ZNF831: variants seen among roughly 807,000 people sequenced by gnomAD.
The protein encoded by ZNF831 is zinc finger protein 831, also known as chromosome 20 open reading frame 174.
A neutral mutation model predicts 95.8 loss-of-function variants in ZNF831; 59 were observed. The observed-to-expected ratio is 0.62, with a 90% CI of 0.50 to 0.77. The LOEUF is 0.77. Ranked by LOEUF, ZNF831 falls within the 30% of genes least tolerant of loss-of-function variation. ZNF831 has a pLI of 0.00. For missense variants in ZNF831, 2,205 were observed against 2,164.0 expected, an observed-to-expected ratio of 1.02 and a Z score of -0.38; for synonymous variants, 961 against 925.5, an observed-to-expected ratio of 1.04 and a Z score of -0.70.
chr20:59,237,968 A>AT (rs964876649), intron 4 of ZNF831, among the ~76,000 whole-genome samples: 197 of 151,632 alleles, frequency 1.3e-3, no homozygotes, highest in African/African-American at 4.5e-3. Flanking sequence ...AGAATACGTA[A>AT]TTTTTTTTTA....
intron 1 of ZNF831, among the ~76,000 whole-genome samples, chr20:59,124,749 C>T (rs927047166): frequency 2.6e-5 from 4 of 152,198 alleles, no homozygotes; most frequent in African/African-American, 9.7e-5. Flanking sequence ...GGGGCTGGCC[C>T]CTTCGAGAGG....
At chr20:59,150,280 A>G (rs905883338) in intron 2 of ZNF831, among the ~76,000 whole-genome samples, 1 of 152,194 alleles carries the variant, frequency 6.6e-6, no homozygotes, top group Non-Finnish European at 1.5e-5. Context: ...TTTAGGAAAC[A>G]GAGACCGTGT....
chr20:59,131,194 C>T (rs2146436096), intron 1 of ZNF831, among the ~76,000 whole-genome samples: 1 of 152,324 alleles, frequency 6.6e-6, no homozygotes, highest in Non-Finnish European at 1.5e-5. Flanking sequence ...GGCGTCCTCT[C>T]TGCCCCTTCC....
intron 1 of ZNF831, among the ~76,000 whole-genome samples, chr20:59,141,309 T>A (rs1249053050): frequency 6.6e-6 from 1 of 152,248 alleles, no homozygotes; most frequent in Non-Finnish European, 1.5e-5. Context: ...TCAAAGTTTT[T>A]CTCCAATTTT....
intron 3 of ZNF831, among the ~76,000 whole-genome samples, chr20:59,197,123 G>A (rs1200082261): frequency 2.0e-5 from 3 of 152,124 alleles, no homozygotes; most frequent in East Asian, 1.9e-4. Context: ...TTCAAGGGGC[G>A]ATCCAAATTC....
intron 2 of ZNF831, among the ~76,000 whole-genome samples, chr20:59,152,274 A>G (rs1980289735): frequency 6.6e-6 from 1 of 152,142 alleles, no homozygotes; most frequent in Admixed American, 6.5e-5. Context: ...AAATTCACCT[A>G]AAAGTGTCAC....
At chr20:59,136,584 C>G (rs752395153) in intron 1 of ZNF831, among the ~76,000 whole-genome samples, 1 of 152,154 alleles carries the variant, frequency 6.6e-6, no homozygotes, top group Non-Finnish European at 1.5e-5. Flanking sequence ...TGATCCTTTG[C>G]GGTAGATACT....
chr20:59,155,435 G>A (rs1980484636), intron 2 of ZNF831, among the ~76,000 whole-genome samples: 2 of 152,218 alleles, frequency 1.3e-5, no homozygotes, highest in Admixed American at 1.3e-4. Flanking sequence ...CTGGGATTTG[G>A]TGTTTTGGGT....
intron 2 of ZNF831, among the ~76,000 whole-genome samples, chr20:59,155,680 G>A (rs1031734535): frequency 6.6e-6 from 1 of 152,216 alleles, no homozygotes; most frequent in African/African-American, 2.4e-5. Flanking sequence ...AGTGTAGGAA[G>A]GAGAGAAGGG....
intron 4 of ZNF831, among the ~76,000 whole-genome samples, chr20:59,236,877 GT>G (rs1159026629): frequency 6.6e-6 from 1 of 151,830 alleles, no homozygotes; most frequent in Non-Finnish European, 1.5e-5. Context: ...TTTTCCCCCC[GT>G]TTTTTTCTTC....
At chr20:59,196,189 G>A (rs773674825) in intron 3 of ZNF831, among the ~76,000 whole-genome samples, 184 bp downstream of exon 3, 1 of 152,134 alleles carries the variant, frequency 6.6e-6, no homozygotes, top group African/African-American at 2.4e-5. Flanking sequence ...TTTTTTGATG[G>A]CACCTTTCTA....
chr20:59,180,513 C>G (rs1250843467), intron 1 of ZNF831, among the ~76,000 whole-genome samples: 2 of 152,110 alleles, frequency 1.3e-5, no homozygotes, highest in Non-Finnish European at 2.9e-5. Context: ...AATGGTCTCC[C>G]TCCCCTTCCC....
At position 59,254,402 on chromosome 20, in the gene ZNF831, A is replaced by G. The variant is rs1988073863; in HGVS notation, c.4693A>G (p.Thr1565Ala). 6.2e-7 allele frequency: 1 copy of G among 1,613,592 alleles called. No individual in the cohort carries two copies. The highest frequency in any genetic ancestry group is 1.6e-4 in the Middle Eastern group (1 of 6,062). Residue 1565 changes from threonine (T) to alanine (A), a missense_variant, in exon 6 of 6, where the codon ACT becomes GCT. By Grantham distance (58) the Thr-to-Ala change is moderately conservative. Transcript: ENST00000371030. This position sits in a 1 kb window ranked among gnomAD's most constrained non-coding sequence, Gnocchi z 4.5. ...DSVPLESTEKTHLEIPASGPS... is the reference protein window; with the variant it reads ...DSVPLESTEKAHLEIPASGPS... ...GGTTCCACTGGAGTCAACTGAAAAA[A>G]CTCATCTTGAAATACCAGCTTCAGG...
chr20:59,192,859 A>G lies in ZNF831; in HGVS notation c.1840A>G (p.Met614Val), dbSNP rs2146573189. ...GAAGTGCGGCCAGAGAAGGCTGAAG[A>G]TGTTCTCCCAGGAGAAGTGGCAGGT... ...GRKCGQRRLK[M>V]FSQEKWQVYG... is the part of the protein sequence containing the mutation. Residue 614 changes from methionine (M) to valine (V), a missense_variant, in exon 2 of 6, where the codon ATG becomes GTG. Coordinates refer to ENST00000371030, the MANE Select transcript of ZNF831 (RefSeq NM_178457.3). The surrounding 1 kb of genome is among the most constrained non-coding windows in gnomAD (Gnocchi z 5.2). 1.2e-6 allele frequency: 2 copies of G among 1,602,558 alleles called. No individual in the cohort carries two copies.
At chr20:59,210,008 G>T (rs541308201) in intron 4 of ZNF831, among the ~76,000 whole-genome samples, 2 of 152,232 alleles carry the variant, frequency 1.3e-5, no homozygotes, top group East Asian at 1.9e-4. Flanking sequence ...CCCATCCACA[G>T]GTTCCATGGA....
chr20:59,231,673 A>G (rs6100373), intron 4 of ZNF831, among the ~76,000 whole-genome samples: 12,283 of 152,164 alleles, frequency 0.081, 1,281 homozygotes, highest in African/African-American at 0.25. Flanking sequence ...ACTGCTCTCA[A>G]TTTCTTCCGC....
In ZNF831 at chr20:59,191,215, G is replaced by A. The variant is rs1231434150; in HGVS notation, c.196G>A (p.Val66Met). ...KALPIPLYHT[V>M]PPGGLQPRAP... ...CCTGCCCATCCCACTGTACCACACGGTGCCTCCCGGGGGCCTCCAGCCCCG... is the reference window on the plus strand; with the variant it reads ...CCTGCCCATCCCACTGTACCACACGATGCCTCCCGGGGGCCTCCAGCCCCG... Residue 66 changes from valine to methionine, a missense_variant, in exon 2 of 6, where the codon GTG becomes ATG. Val to Met is a conservative substitution (Grantham distance 21, BLOSUM62 1). Coordinates refer to ENST00000371030, the MANE Select transcript of ZNF831 (RefSeq NM_178457.3). 1 of 1,564,212 alleles carries A rather than the reference G, an allele frequency of 6.4e-7. No individual in the cohort carries two copies. Among genetic ancestry groups the A allele is most frequent in the East Asian group, 2.3e-5 (1 of 44,362 alleles).
intron 2 of ZNF831, among the ~76,000 whole-genome samples, chr20:59,153,809 T>G (rs1980384332): frequency 6.6e-6 from 1 of 152,236 alleles, no homozygotes. Flanking sequence ...GAGATTCCAT[T>G]GGACAATTGC....
At chr20:59,213,160 C>T (rs188283471) in intron 4 of ZNF831, among the ~76,000 whole-genome samples, 48 of 152,170 alleles carry the variant, frequency 3.2e-4, no homozygotes, top group Non-Finnish European at 5.0e-4. Context: ...AAAGTAAATG[C>T]GAGGTAAATA....
Sources: allele counts gnomAD v4.1 joint callset (sites outside exome capture counted in the v4.1 genomes callset), GRCh38; gene constraint gnomAD v4.1.1; non-coding constraint Gnocchi (gnomAD v3.1); transcripts MANE v1.5; gene names NCBI Gene and HGNC (gene_info 2026-07-23, HGNC 2026-07-21).